Variants in CDCA7L observed in about 807,000 individuals in gnomAD.
CDCA7L encodes the protein cell division cycle associated 7 like, also known as cell division cycle-associated 7-like protein.
Under a neutral mutation model 57.4 loss-of-function variants are expected in CDCA7L, and 44 were observed. That is an observed-to-expected ratio of 0.77 (90% confidence interval 0.60 to 0.98). CDCA7L has a LOEUF of 0.98. Among genes scored for constraint, CDCA7L ranks in the 50% least tolerant of loss-of-function variants. CDCA7L has a pLI of 0.00. For synonymous variants in CDCA7L, 236 were observed against 202.8 expected (o/e 1.16, Z -1.39); for missense variants, 644 against 580.6 (o/e 1.11, Z -1.12).
chr7:21,916,463 A>T (rs923150760), intron 2 of CDCA7L, among the ~76,000 whole-genome samples: 1 of 150,406 alleles, frequency 6.6e-6, no homozygotes, highest in African/African-American at 2.5e-5. Context: ...CACAGGTTAC[A>T]GCCCCAAGGC....
chr7:21,922,393 T>G (rs535574341), intron 1 of CDCA7L, among the ~76,000 whole-genome samples: 2 of 152,210 alleles, frequency 1.3e-5, no homozygotes, highest in South Asian at 4.1e-4. Context: ...AACACATATA[T>G]CAGGGAAGGC....
intron 1 of CDCA7L, among the ~76,000 whole-genome samples, chr7:21,942,805 T>G (rs947419047): frequency 6.6e-6 from 1 of 152,178 alleles, no homozygotes; most frequent in African/African-American, 2.4e-5. Context: ...AATACAAGAC[T>G]ATTAGAGTGG....
chr7:21,937,388 A>G (rs1333178538), intron 1 of CDCA7L, among the ~76,000 whole-genome samples: 1 of 152,182 alleles, frequency 6.6e-6, no homozygotes, highest in East Asian at 1.9e-4. Context: ...AAATCCTAGC[A>G]CTTTGGGAGG....
Position 21,908,201 on chromosome 7 carries a change from G to A in CDCA7L, c.610C>T (p.Arg204Trp), listed in dbSNP as rs563675406. The change falls in exon 4 of 10, where the codon CGG becomes TGG. Residue 204 changes from arginine (R) to tryptophan (W), a missense_variant. Transcript: ENST00000406877. The stretch of plus-strand genomic sequence containing the variant: ...TCTGAACTCTCCTGGCTCTCATCCC[G>A]AGAGTCATCCTCAGACTCAGAGGTA... ...DSTSESEDDS[R>W]DESQESSDAL... 77 of 1,610,050 alleles carry A rather than the reference G, an allele frequency of 4.8e-5. No homozygotes were observed. The East Asian group carries it at 1.0e-3, about 22-fold the overall frequency.
chr7:21,945,630 G>T, intron 1 of CDCA7L, 151 bp downstream of exon 1: 1 of 913,428 alleles, frequency 1.1e-6, no homozygotes, highest in Admixed American at 2.9e-5. Context: ...TGCAGGGCGC[G>T]CCCACTCCGG....
intron 1 of CDCA7L, among the ~76,000 whole-genome samples, chr7:21,929,836 C>T (rs990627523): frequency 6.6e-6 from 1 of 152,002 alleles, no homozygotes; most frequent in Non-Finnish European, 1.5e-5. Context: ...TTCTTAGAGA[C>T]CTACAAAGAG....
chr7:21,931,737 T>G (rs1786024294), intron 1 of CDCA7L, among the ~76,000 whole-genome samples: 1 of 152,230 alleles, frequency 6.6e-6, no homozygotes, highest in Admixed American at 6.5e-5. Context: ...ATGCTCTCTC[T>G]CACCACTCCT....
At chr7:21,902,535 G>A in intron 9 of CDCA7L, 183 bp from the exon 10 acceptor site, 1 of 615,592 alleles carries the variant, frequency 1.6e-6, no homozygotes, top group Non-Finnish European at 2.9e-6. Flanking sequence ...CCCCAAGCAT[G>A]ACTTGCCTCA....
chr7:21,931,547 TG>T (rs1786016795), intron 1 of CDCA7L, among the ~76,000 whole-genome samples: 1 of 152,184 alleles, frequency 6.6e-6, no homozygotes, highest in Non-Finnish European at 1.5e-5. Flanking sequence ...TCTCAATATA[TG>T]CAGAAAAGGC....
intron 7 of CDCA7L, 83 bp from the exon 8 acceptor site, chr7:21,904,342 A>G: frequency 5.2e-6 from 7 of 1,336,116 alleles, no homozygotes; most frequent in Non-Finnish European, 6.1e-6. Flanking sequence ...TGCATTTCCA[A>G]GTATATGAAG....
At chr7:21,913,286 G>C (rs1406415867) in intron 2 of CDCA7L, among the ~76,000 whole-genome samples, 1 of 152,100 alleles carries the variant, frequency 6.6e-6, no homozygotes, top group Non-Finnish European at 1.5e-5. Context: ...AGTTTGCTCA[G>C]AGCTGAATTA....
chr7:21,905,412 A>G (rs756007423), intron 7 of CDCA7L, 94 bp downstream of exon 7: 31 of 1,376,168 alleles, frequency 2.3e-5, no homozygotes, highest in Non-Finnish European at 3.1e-5. Context: ...CCTTGGTGAG[A>G]TGGCATAAGC....
intron 1 of CDCA7L, among the ~76,000 whole-genome samples, chr7:21,919,679 A>G (rs1401358711): frequency 6.6e-6 from 1 of 152,090 alleles, no homozygotes; most frequent in Non-Finnish European, 1.5e-5. Context: ...CTCATCTCAC[A>G]TTAGCATCGC....
In CDCA7L at chr7:21,911,625, C is replaced by T. The variant is rs751934843; in HGVS notation, c.295G>A (p.Glu99Lys). The T allele has an allele frequency of 6.2e-7, 1 of 1,611,492 alleles. No individual in the cohort carries two copies. The highest frequency in any genetic ancestry group is 1.1e-5 in the South Asian group (1 of 90,422). The change falls in exon 3 of 10, where the codon GAA (glutamate) becomes AAA (lysine). Residue 99 changes from glutamate to lysine, a missense_variant. Coordinates refer to ENST00000406877, the MANE Select transcript of CDCA7L (RefSeq NM_018719.5). The stretch of plus-strand genomic sequence containing the variant: ...CCTGTTGTAATTATTACCATTACTT[C>T]TGGGTTAGTCTTTCCATTCAGATCA... ...QSDLNGKTNP[E>K]VMVVESDLSD...
rs1784986812 is a variant in CDCA7L, at chr7:21,903,040, T to C, written c.1272A>G (p.Thr424=). 6.2e-7 allele frequency: 1 copy of C among 1,614,136 alleles called. No individual in the cohort carries two copies. Among genetic ancestry groups the C allele is most frequent in the Non-Finnish European group, 8.5e-7 (1 of 1,179,960 alleles). Reference sequence around the variant, plus strand: ...ACTTGGCCAGATGAATGAGGATTCCTGTGGCACAGCGGCCGTCACGCTTCC... The same window carrying C: ...ACTTGGCCAGATGAATGAGGATTCCCGTGGCACAGCGGCCGTCACGCTTCC... ...YCRKRDGRCA[T]GILIHLAKFY... Residue 424 remains threonine, a synonymous_variant, in exon 9 of 10, where the codon ACA becomes ACG. Coordinates refer to ENST00000406877, the MANE Select transcript of CDCA7L (RefSeq NM_018719.5).
chr7:21,913,336 G>A (rs6958427), intron 2 of CDCA7L, among the ~76,000 whole-genome samples: 142,538 of 151,962 alleles, frequency 0.94, 66,856 homozygotes, highest in Admixed American at 0.96. Flanking sequence ...AGCTGCTTGA[G>A]AAAAAAAATT....
At chr7:21,934,194 T>A (rs7791077) in intron 1 of CDCA7L, among the ~76,000 whole-genome samples, 66,711 of 152,002 alleles carry the variant, frequency 0.44, 15,472 homozygotes, top group Non-Finnish European at 0.52. Context: ...CTCTACTTGT[T>A]ATTTTCTAAA....
In CDCA7L at chr7:21,908,382, T is replaced by C. The variant is rs747763741; in HGVS notation, c.429A>G (p.Arg143=). Residue 143 remains arginine (R), a synonymous_variant, in exon 4 of 10, where the codon CGA becomes CGG. Coordinates refer to ENST00000406877, the MANE Select transcript of CDCA7L (RefSeq NM_018719.5). ...TCTTGGTGGGGAACTGAAAGGCTACTCGAAGACCAATACTACTTCTTCTAG... is the reference window on the plus strand; with the variant it reads ...TCTTGGTGGGGAACTGAAAGGCTACCCGAAGACCAATACTACTTCTTCTAG... ...SRSRRSSIGL[R]VAFQFPTKKL... is the part of the protein sequence containing the mutation. The C allele has an allele frequency of 5.0e-6, 8 of 1,610,298 alleles. No homozygotes were observed. The South Asian group carries it at 8.8e-5, about 18-fold the overall frequency.
At chr7:21,918,978 CTTT>C in intron 1 of CDCA7L, among the ~76,000 whole-genome samples, 1 of 151,536 alleles carries the variant, frequency 6.6e-6, no homozygotes, top group Admixed American at 6.6e-5. Context: ...ATTGACAATT[CTTT>C]TTTTTTATAT....
Sources: allele counts gnomAD v4.1 joint callset (sites outside exome capture counted in the v4.1 genomes callset), GRCh38; gene constraint gnomAD v4.1.1; transcripts MANE v1.5; gene names NCBI Gene and HGNC (gene_info 2026-07-23, HGNC 2026-07-21).